NUP210: variants seen among roughly 807,000 people sequenced by gnomAD.
NUP210 encodes the protein nucleoporin 210, also known as nuclear pore membrane glycoprotein 210.
Under a neutral mutation model 196.0 loss-of-function variants are expected in NUP210, and 151 were observed. The ratio of observed to expected loss-of-function variants is 0.77; its 90% CI spans 0.67 to 0.88. The LOEUF (loss-of-function observed/expected upper bound fraction) is 0.88, where lower values mean the gene tolerates loss of function less well. NUP210 is among the 40% of genes least tolerant of loss of function. The pLI, the probability that NUP210 is intolerant of heterozygous loss-of-function variation, is 0.00. For synonymous variants in NUP210, 1,070 were observed against 1,052.7 expected, an observed-to-expected ratio of 1.02 and a Z score of -0.32; for missense variants, 2,314 against 2,493.7, an observed-to-expected ratio of 0.93 and a Z score of 1.53.
chr3:13,331,692 T>C (rs928191581), intron 29 of NUP210, among the ~76,000 whole-genome samples: 2 of 152,212 alleles, frequency 1.3e-5, no homozygotes, highest in Non-Finnish European at 2.9e-5. Flanking sequence ...AACATGTATG[T>C]GTTTCATGCA....
In NUP210 at chr3:13,341,787, T is replaced by G; in HGVS notation, c.3189A>C (p.Lys1063Asn). The change falls in exon 23 of 40, where the codon AAA (lysine) becomes AAC (asparagine). Residue 1063 changes from lysine (K) to asparagine (N), a missense_variant. Physicochemically the swap from Lys to Asn is moderately conservative, Grantham distance 94 (BLOSUM62 0). Transcript: ENST00000254508. ...QTSLTASVTN[K>N]AGQRINSAPQ... ...GGGCTGAGTTGATTCTCTGTCCAGCTTTATTGGTCACACTTGCAGTTAGAC... is the reference window on the plus strand; with the variant it reads ...GGGCTGAGTTGATTCTCTGTCCAGCGTTATTGGTCACACTTGCAGTTAGAC... 6 of 1,614,242 alleles carry G rather than the reference T, an allele frequency of 3.7e-6. No homozygotes were observed. In the Admixed American group the frequency reaches 5.0e-5, roughly 13 times the overall value.
Position 13,328,854 on chromosome 3 carries a change from G to A in NUP210, c.4203C>T (p.Thr1401=), listed in dbSNP as rs773508499. 56 of 1,613,984 alleles carry A rather than the reference G, an allele frequency of 3.5e-5. No individual in the cohort carries two copies. The highest frequency in any genetic ancestry group is 1.2e-4 in the African/African-American group (9 of 74,916). The part of the protein sequence containing the change: ...EALVAVPLGM[T]VTFTVHFHDN... The stretch of plus-strand genomic sequence containing the variant: ...CGTGGAAGTGGACAGTGAAGGTCAC[G>A]GTCATTCCCAAAGGCACGGCCACCA... The change falls in exon 31 of 40, where the codon ACC becomes ACT. Residue 1401 remains threonine (T), a synonymous_variant. Transcript: ENST00000254508.
chr3:13,341,679 T>C, intron 23 of NUP210, 69 bp downstream of exon 23: 1 of 1,565,234 alleles, frequency 6.4e-7, no homozygotes, highest in Admixed American at 1.7e-5. Context: ...TCCTGGACTG[T>C]ACTATAAAGA....
chr3:13,321,041 G>A (rs1480876330), intron 36 of NUP210, among the ~76,000 whole-genome samples: 3 of 152,246 alleles, frequency 2.0e-5, no homozygotes, highest in Admixed American at 2.0e-4. Context: ...CAGAACATGC[G>A]ATCACGCTGG....
At position 13,343,030 on chromosome 3, in the gene NUP210, G is replaced by A. The variant is rs1237316046; in HGVS notation, c.2964+145C>T. The A allele has an allele frequency of 9.5e-6, 9 of 944,942 alleles. No homozygotes were observed. In the Admixed American group the frequency reaches 1.9e-4, roughly 20 times the overall value. The allele number at this position is 944,942 out of a possible 1,614,324, so 58.5% of individuals were successfully genotyped here. On this transcript the variant is annotated intron_variant, in intron 21 of 39. Transcript: ENST00000254508. ...CCTCCACATGGAGCGAAGGAGATGG[G>A]AGACAGCTCCGCAAGCTCACAGGGG...
At position 13,336,769 on chromosome 3, in the gene NUP210, G is replaced by A. The variant is rs1413315858; in HGVS notation, c.3684+18C>T. ...GGACAGGGGTGGGAGGTGAGCTCTG[G>A]AGGGGGTGGTTACCTACCTCGTGGT... On this transcript the variant is annotated intron_variant, in intron 27 of 39. Transcript: ENST00000254508. 6.2e-7 allele frequency: 1 copy of A among 1,611,314 alleles called. No individual in the cohort carries two copies. The highest frequency in any genetic ancestry group is 8.5e-7 in the Non-Finnish European group (1 of 1,178,828).
chr3:13,376,762 G>A (rs1348219013), intron 9 of NUP210, among the ~76,000 whole-genome samples: 1 of 152,058 alleles, frequency 6.6e-6, no homozygotes, highest in Non-Finnish European at 1.5e-5. Flanking sequence ...AGGACATCAC[G>A]TCCCCTACAG....
In NUP210 at chr3:13,347,208, C is replaced by T. The variant is rs956076132; in HGVS notation, c.2836-3905G>A. On this transcript the variant is annotated intron_variant, in intron 20 of 39. Coordinates refer to ENST00000254508, the MANE Select transcript of NUP210 (RefSeq NM_024923.4). The surrounding 1 kb of genome is among the most constrained non-coding windows in gnomAD (Gnocchi z 4.7). ...ACAGCTGCGGCTCACAGGAGCTGGG[C>T]CCCCCGGCTTCATTCCCTCCTGAAT... 2.0e-5 allele frequency: 20 copies of T among 985,100 alleles called. No individual in the cohort carries two copies. Among genetic ancestry groups the T allele is most frequent in the Non-Finnish European group, 2.4e-5 (20 of 829,684 alleles). 61.0% of individuals were successfully genotyped at this position (985,100 alleles called of 1,614,324 possible). A position where few individuals can be genotyped will look rare whatever the true frequency, so the allele number is the denominator to read the frequency against.
rs1202787961 is a variant in NUP210 at position 13,323,690 on chromosome 3, G to T, written c.4645-258C>A. Among the ~76,000 whole-genome samples the T allele has an allele frequency of 1.3e-5, 2 of 152,160 alleles. No individual in the cohort carries two copies. Among genetic ancestry groups the T allele is most frequent in the Non-Finnish European group, 2.9e-5 (2 of 68,028 alleles). Reference sequence around the variant, plus strand: ...GCAGCTGACTGGACGCTGAGCAGCGGGCCTGAATTCATTAATCGATCTGGG... The same window carrying T: ...GCAGCTGACTGGACGCTGAGCAGCGTGCCTGAATTCATTAATCGATCTGGG... On this transcript the variant is annotated intron_variant, in intron 33 of 39. Coordinates refer to ENST00000254508, the MANE Select transcript of NUP210 (RefSeq NM_024923.4). The surrounding 1 kb of genome is among the most constrained non-coding windows in gnomAD (Gnocchi z 4.3).
Position 13,350,114 on chromosome 3 carries a change from A to T in NUP210, c.2835+1765T>A, listed in dbSNP as rs562512003. Among the ~76,000 whole-genome samples, 14 of 152,336 alleles carry T rather than the reference A, an allele frequency of 9.2e-5. No homozygotes were observed. Among genetic ancestry groups the T allele is most frequent in the Admixed American group, 9.1e-4 (14 of 15,302 alleles). ...AGGCCACAGTCATCCCAGAGTGACA[A>T]AGGACATACCAAGGTGTTATCCCCT... On this transcript the variant is annotated intron_variant, in intron 20 of 39. Transcript: ENST00000254508. This position sits in a 1 kb window ranked among gnomAD's most constrained non-coding sequence, Gnocchi z 4.1.
At position 13,333,564 on chromosome 3, in the gene NUP210, G is replaced by A. The variant is rs983234693; in HGVS notation, c.3844-1180C>T. Among the ~76,000 whole-genome samples the A allele has an allele frequency of 6.6e-5, 10 of 152,340 alleles. No homozygotes were observed. In the East Asian group the frequency reaches 1.3e-3, roughly 21 times the overall value. Reference sequence around the variant, plus strand: ...GTGTGTAACATGGTCCACAACTAACGTCCTCTCCATGCCTGTCTTGAGAGT... The same window carrying A: ...GTGTGTAACATGGTCCACAACTAACATCCTCTCCATGCCTGTCTTGAGAGT... On this transcript the variant is annotated intron_variant, in intron 28 of 39. Coordinates refer to ENST00000254508, the MANE Select transcript of NUP210 (RefSeq NM_024923.4).
intron 1 of NUP210, among the ~76,000 whole-genome samples, chr3:13,405,565 T>C (rs913467099): frequency 2.0e-5 from 3 of 152,088 alleles, no homozygotes; most frequent in African/African-American, 4.8e-5. Flanking sequence ...ATATGAGCTA[T>C]ATATATATGA....
intron 4 of NUP210, among the ~76,000 whole-genome samples, chr3:13,388,772 A>G (rs1699371722): frequency 6.6e-6 from 1 of 152,260 alleles, no homozygotes; most frequent in Non-Finnish European, 1.5e-5. Flanking sequence ...CTGAGTCCAC[A>G]TGGGAACAGT....
intron 13 of NUP210, among the ~76,000 whole-genome samples, chr3:13,368,954 G>T (rs1698633628): frequency 6.6e-6 from 1 of 152,190 alleles, no homozygotes; most frequent in Non-Finnish European, 1.5e-5. Context: ...CCCAGATGCA[G>T]GATTGCCTGC....
intron 13 of NUP210, among the ~76,000 whole-genome samples, chr3:13,368,767 C>G (rs577228795): frequency 3.2e-4 from 49 of 152,182 alleles, no homozygotes; most frequent in Non-Finnish European, 6.0e-4. Context: ...AATTTCCTTC[C>G]TTCTTAAGGC....
Position 13,379,741 on chromosome 3 carries a change from A to C in NUP210, c.818-20T>G. 1 of 1,550,402 alleles carries C rather than the reference A, an allele frequency of 6.4e-7. No homozygotes were observed. Among genetic ancestry groups the C allele is most frequent in the East Asian group, 2.3e-5 (1 of 44,076 alleles). On this transcript the variant is annotated intron_variant, in intron 6 of 39. Coordinates refer to ENST00000254508, the MANE Select transcript of NUP210 (RefSeq NM_024923.4). The surrounding 1 kb of genome is among the most constrained non-coding windows in gnomAD (Gnocchi z 4.2). Reference sequence around the variant, plus strand: ...AGAGTTCTGGCCACCAAGAAACAAAAAATAACAGGGAAAGAGAGAGCAAAG... The same window carrying C: ...AGAGTTCTGGCCACCAAGAAACAAACAATAACAGGGAAAGAGAGAGCAAAG...
chr3:13,397,536 CT>C, intron 2 of NUP210, 48 bp from the exon 3 acceptor site: 1 of 1,511,344 alleles, frequency 6.6e-7, no homozygotes, highest in African/African-American at 1.4e-5. Flanking sequence ...GTCCCCGCCC[CT>C]GGCTCCACTT....
chr3:13,411,207 G>C (rs1700165477), intron 1 of NUP210, among the ~76,000 whole-genome samples: 1 of 152,194 alleles, frequency 6.6e-6, no homozygotes, highest in Non-Finnish European at 1.5e-5. Context: ...ACTGCAGCCT[G>C]GGTGATAGAG....
At chr3:13,389,101 G>A (rs528333128) in intron 4 of NUP210, among the ~76,000 whole-genome samples, 2 of 152,354 alleles carry the variant, frequency 1.3e-5, no homozygotes, top group South Asian at 4.1e-4. Context: ...CGAGCCCACT[G>A]TTCCCCTGCA....
Sources: allele counts gnomAD v4.1 joint callset (sites outside exome capture counted in the v4.1 genomes callset), GRCh38; gene constraint gnomAD v4.1.1; non-coding constraint Gnocchi (gnomAD v3.1); transcripts MANE v1.5; gene names NCBI Gene and HGNC (gene_info 2026-07-23, HGNC 2026-07-21).